Variants in SMPD3 observed in about 807,000 individuals in gnomAD.
The protein encoded by SMPD3 is nSMase-2.
Under a neutral mutation model 55.7 loss-of-function variants are expected in SMPD3, and 21 were observed. That is an observed-to-expected ratio of 0.38 (90% CI 0.27 to 0.54). SMPD3 has a LOEUF of 0.54. Among genes scored for constraint, SMPD3 ranks in the 20% least tolerant of loss-of-function variants. SMPD3 has a pLI of 0.80. For missense variants in SMPD3, 842 were observed against 899.6 expected (o/e 0.94, Z 0.82); for synonymous variants, 457 against 404.3 (o/e 1.13, Z -1.56).
In SMPD3 at chr16:68,422,709, C is replaced by A. The variant is rs139861791; in HGVS notation, c.-269+25644G>T. ...GACTGCAAATTGCTTCCCATGCAGT[C>A]TCCTTATTTTAACCTCCAGGGAATA... On this transcript the variant is annotated intron_variant, in intron 1 of 8. Coordinates refer to ENST00000219334, the MANE Select transcript of SMPD3 (RefSeq NM_018667.4). Among the ~76,000 whole-genome samples, 281 of 152,278 alleles carry A rather than the reference C, an allele frequency of 1.8e-3. 2 individuals carry two copies. The highest frequency in any genetic ancestry group is 6.3e-3 in the African/African-American group (263 of 41,554).
At chr16:68,364,328 C>T (rs949986448) in intron 5 of SMPD3, 2 of 223,220 alleles carry the variant, frequency 9.0e-6, no homozygotes, top group Non-Finnish European at 1.8e-5. Flanking sequence ...GTTCTCCAGC[C>T]TCTCTGAGTC....
At chr16:68,400,006 T>A (rs188572659) in intron 1 of SMPD3, among the ~76,000 whole-genome samples, 1 of 152,310 alleles carries the variant, frequency 6.6e-6, no homozygotes, top group African/African-American at 2.4e-5. Flanking sequence ...GCTACTATTG[T>A]AGTCACCATT....
At chr16:68,432,666 A>G (rs1213760342) in intron 1 of SMPD3, among the ~76,000 whole-genome samples, 3 of 152,198 alleles carry the variant, frequency 2.0e-5, no homozygotes, top group Non-Finnish European at 4.4e-5. Context: ...ACCACTGACC[A>G]GCAAATCTCA....
chr16:68,370,974 A>G lies in SMPD3; in HGVS notation c.1208T>C (p.Leu403Pro), dbSNP rs766228161. ...GCTGGCAAAGAGGAGGCCGCTGTTGAGACACTTGAAGCTGCAGCAGCCCTG... is the reference window on the plus strand; with the variant it reads ...GCTGGCAAAGAGGAGGCCGCTGTTGGGACACTTGAAGCTGCAGCAGCCCTG... ...GCQGCCSFKCLNSGLLFASRY... is the reference protein window; with the variant it reads ...GCQGCCSFKCPNSGLLFASRY... Residue 403 changes from leucine to proline, a missense_variant, in exon 3 of 9, where the codon CTC (leucine) becomes CCC (proline). Physicochemically the swap from Leu to Pro is moderately conservative, Grantham distance 98. Coordinates refer to ENST00000219334, the MANE Select transcript of SMPD3 (RefSeq NM_018667.4). 1 of 1,614,026 alleles carries G rather than the reference A, an allele frequency of 6.2e-7. No individual in the cohort carries two copies. The highest frequency in any genetic ancestry group is 8.5e-7 in the Non-Finnish European group (1 of 1,180,018).
intron 1 of SMPD3, among the ~76,000 whole-genome samples, chr16:68,426,290 A>G (rs940431387): frequency 6.6e-6 from 1 of 152,232 alleles, no homozygotes; most frequent in Non-Finnish European, 1.5e-5. Context: ...ATGAATGTTG[A>G]TTCAATAACC....
Position 68,371,384 on chromosome 16 carries a change from C to T in SMPD3, c.798G>A (p.Gln266=). ...PEADDPVPGG[Q]ARNGAGGGPR... Reference sequence around the variant, plus strand: ...GGCCCCCGCCAGCTCCGTTCCTGGCCTGGCCCCCAGGCACAGGGTCGTCAG... The same window carrying T: ...GGCCCCCGCCAGCTCCGTTCCTGGCTTGGCCCCCAGGCACAGGGTCGTCAG... Residue 266 remains glutamine, a synonymous_variant, in exon 3 of 9, where the codon CAG becomes CAA. Coordinates refer to ENST00000219334, the MANE Select transcript of SMPD3 (RefSeq NM_018667.4). 3.2e-6 allele frequency: 5 copies of T among 1,568,546 alleles called. No individual in the cohort carries two copies. Among genetic ancestry groups the T allele is most frequent in the Non-Finnish European group, 4.3e-6 (5 of 1,166,520 alleles).
chr16:68,410,969 C>A (rs1007254038), intron 1 of SMPD3, among the ~76,000 whole-genome samples: 1 of 152,232 alleles, frequency 6.6e-6, no homozygotes, highest in Non-Finnish European at 1.5e-5. Flanking sequence ...GTGAGTTCTG[C>A]CTAAGCAGGG....
intron 2 of SMPD3, among the ~76,000 whole-genome samples, chr16:68,383,002 A>AT (rs1322830232): frequency 2.0e-5 from 3 of 151,778 alleles, no homozygotes; most frequent in Non-Finnish European, 2.9e-5. Context: ...GTGCCAGCTA[A>AT]TTTTTTTTGT....
chr16:68,413,041 C>T (rs991012897), intron 1 of SMPD3, among the ~76,000 whole-genome samples: 19 of 152,200 alleles, frequency 1.2e-4, no homozygotes, highest in African/African-American at 4.3e-4. Flanking sequence ...CAGCTCATGC[C>T]GCTAATGCTT....
intron 3 of SMPD3, chr16:68,367,459 C>A: frequency 7.5e-6 from 1 of 132,464 alleles, no homozygotes. Context: ...CGCTGCTCTG[C>A]GCTGCTTTCT....
At chr16:68,439,662 C>A (rs2090551309) in intron 1 of SMPD3, among the ~76,000 whole-genome samples, 1 of 152,188 alleles carries the variant, frequency 6.6e-6, no homozygotes, top group African/African-American at 2.4e-5. Context: ...CTTTACAGTT[C>A]AACGTGCTCT....
intron 1 of SMPD3, among the ~76,000 whole-genome samples, chr16:68,398,009 G>A (rs2090174366): frequency 7.0e-6 from 1 of 143,154 alleles, no homozygotes; most frequent in Non-Finnish European, 1.5e-5. Flanking sequence ...GGGAGATGCA[G>A]AATCTGGTTC....
chr16:68,398,959 G>A (rs2090183652), intron 1 of SMPD3, among the ~76,000 whole-genome samples: 1 of 152,210 alleles, frequency 6.6e-6, no homozygotes, highest in African/African-American at 2.4e-5. Context: ...GTGGCCAGGA[G>A]CTCTGGGGAC....
chr16:68,420,937 C>T (rs1360807104), intron 1 of SMPD3, among the ~76,000 whole-genome samples: 1 of 152,182 alleles, frequency 6.6e-6, no homozygotes, highest in Non-Finnish European at 1.5e-5. Context: ...TTCAGCTCAT[C>T]CAGGTCCTAG....
intron 2 of SMPD3, among the ~76,000 whole-genome samples, chr16:68,386,127 T>G (rs2090048596): frequency 6.6e-6 from 1 of 150,770 alleles, no homozygotes; most frequent in African/African-American, 2.5e-5. Flanking sequence ...GAGGCTGAGG[T>G]GAGAGGAACA....
chr16:68,428,841 C>T (rs1049042443), intron 1 of SMPD3, among the ~76,000 whole-genome samples: 3 of 152,120 alleles, frequency 2.0e-5, no homozygotes, highest in Admixed American at 6.5e-5. Context: ...TGCACAGCAG[C>T]GTGTGCAGAG....
At chr16:68,387,196 G>A (rs1363361699) in intron 1 of SMPD3, among the ~76,000 whole-genome samples, 4 of 152,088 alleles carry the variant, frequency 2.6e-5, no homozygotes, top group African/African-American at 9.7e-5. Context: ...ATTAGGGGAG[G>A]AAGAGCAACA....
chr16:68,418,110 C>T (rs888818778), intron 1 of SMPD3, among the ~76,000 whole-genome samples: 3 of 152,208 alleles, frequency 2.0e-5, no homozygotes, highest in Non-Finnish European at 4.4e-5. Flanking sequence ...CCCCCACTCC[C>T]TTCCTGTTGT....
intron 2 of SMPD3, among the ~76,000 whole-genome samples, chr16:68,384,199 C>T (rs2090006902): frequency 6.6e-6 from 1 of 152,216 alleles, no homozygotes; most frequent in African/African-American, 2.4e-5. Flanking sequence ...TGTGCCCTTC[C>T]AGGCCTCCAC....
Sources: allele counts gnomAD v4.1 joint callset (sites outside exome capture counted in the v4.1 genomes callset), GRCh38; gene constraint gnomAD v4.1.1; transcripts MANE v1.5; gene names NCBI Gene and HGNC (gene_info 2026-07-23, HGNC 2026-07-21).